TSNARE1: variants seen among roughly 807,000 people sequenced by gnomAD.
TSNARE1 encodes the protein t-SNARE domain-containing protein 1.
In TSNARE1, 49 loss-of-function variants were observed where a neutral mutation model predicts 62.0. The ratio of observed to expected loss-of-function variants is 0.79; its 90% CI spans 0.63 to 1.00. The LOEUF (loss-of-function observed/expected upper bound fraction) is 1.00. Among genes scored for constraint, TSNARE1 ranks in the 50% least tolerant of loss-of-function variants. The pLI is 0.00. For synonymous variants in TSNARE1, 328 were observed against 294.4 expected, an observed-to-expected ratio of 1.11 and a Z score of -1.17; for missense variants, 755 against 700.1, an observed-to-expected ratio of 1.08 and a Z score of -0.88.
intron 12 of TSNARE1, among the ~76,000 whole-genome samples, chr8:142,257,589 G>T (rs540567038): frequency 5.9e-5 from 9 of 152,302 alleles, no homozygotes; most frequent in African/African-American, 2.2e-4. Flanking sequence ...CGCTGCAGGG[G>T]TCCAGGCTGA....
rs796660893 is a variant in TSNARE1, at chr8:142,223,298, C to T, written c.*11+6175G>A. On this transcript the variant is annotated intron_variant, in intron 13 of 13. Coordinates refer to ENST00000524325, the MANE Select transcript of TSNARE1 (RefSeq NM_145003.5). ...CAGTCACTCACTCATACTCACTCAACCACTCACTCATTCACTCACTCATTC... is the reference window on the plus strand; with the variant it reads ...CAGTCACTCACTCATACTCACTCAATCACTCACTCATTCACTCACTCATTC... 6.0e-3 allele frequency among the ~76,000 whole-genome samples: 330 copies of T among 55,040 alleles called. 26 individuals carry two copies. The highest frequency in any genetic ancestry group is 0.043 in the East Asian group (61 of 1,424). 36.1% of individuals were successfully genotyped at this position (55,040 alleles called of 152,430 possible).
chr8:142,336,472 G>A (rs1340332172), intron 4 of TSNARE1, among the ~76,000 whole-genome samples: 1 of 151,936 alleles, frequency 6.6e-6, no homozygotes, highest in Non-Finnish European at 1.5e-5. Flanking sequence ...AAATATAATA[G>A]AAATAAAAGA....
intron 1 of TSNARE1, among the ~76,000 whole-genome samples, chr8:142,375,975 C>T (rs1185464577): frequency 6.6e-6 from 1 of 152,174 alleles, no homozygotes; most frequent in Non-Finnish European, 1.5e-5. Flanking sequence ...CCTCCAGGTC[C>T]ATGGGTACAA....
At chr8:142,218,081 A>ACTCAGTGTGT (rs1816010208) in intron 13 of TSNARE1, among the ~76,000 whole-genome samples, 10 of 76,794 alleles carry the variant, frequency 1.3e-4, no homozygotes, top group Non-Finnish European at 1.8e-4. Flanking sequence ...ATCAGGGTTC[A>ACTCAGTGTGT]GAGAGTGGCC....
chr8:142,299,453 C>A (rs571420774), intron 10 of TSNARE1, among the ~76,000 whole-genome samples: 2 of 152,346 alleles, frequency 1.3e-5, no homozygotes, highest in South Asian at 4.1e-4. Context: ...GCGCCTTCTG[C>A]AGATGAGGTG....
At chr8:142,250,583 C>T (rs73716175) in intron 12 of TSNARE1, among the ~76,000 whole-genome samples, 2,105 of 152,270 alleles carry the variant, frequency 0.014, 46 homozygotes, top group African/African-American at 0.047. Flanking sequence ...TCCTTCGGAG[C>T]GTTCTCATCT....
At chr8:142,396,350 G>T (rs144083945) in intron 1 of TSNARE1, among the ~76,000 whole-genome samples, 11 of 151,910 alleles carry the variant, frequency 7.2e-5, no homozygotes, top group Non-Finnish European at 1.6e-4. Context: ...ACACCACCCC[G>T]ACCTCCTAGC....
chr8:142,218,572 C>T (rs1157261019), intron 13 of TSNARE1, among the ~76,000 whole-genome samples: 1 of 152,240 alleles, frequency 6.6e-6, no homozygotes, highest in Admixed American at 6.5e-5. Context: ...CGATGAAGAG[C>T]CTCAGCTGCC....
intron 2 of TSNARE1, among the ~76,000 whole-genome samples, chr8:142,349,551 G>A (rs1833821386): frequency 6.6e-6 from 1 of 152,184 alleles, no homozygotes; most frequent in African/African-American, 2.4e-5. Context: ...CGCACGCACA[G>A]AAGGGGGAAG....
chr8:142,340,561 C>T (rs1406005336), intron 4 of TSNARE1, among the ~76,000 whole-genome samples: 1 of 152,190 alleles, frequency 6.6e-6, no homozygotes, highest in Non-Finnish European at 1.5e-5. Flanking sequence ...AGGTTGAAGA[C>T]TTTAAAAGGG....
At chr8:142,365,633 C>CACAG (rs60883386) in intron 1 of TSNARE1, among the ~76,000 whole-genome samples, 65 of 138,652 alleles carry the variant, frequency 4.7e-4, no homozygotes, top group African/African-American at 1.5e-3. Flanking sequence ...CACACACACA[C>CACAG]AGAGAGAGAG....
chr8:142,233,308 T>G (rs868766622), intron 12 of TSNARE1, among the ~76,000 whole-genome samples: 26 of 152,150 alleles, frequency 1.7e-4, no homozygotes, highest in African/African-American at 5.8e-4. Flanking sequence ...TGGGAGGGCC[T>G]AGGACCCAAG....
intron 1 of TSNARE1, among the ~76,000 whole-genome samples, chr8:142,368,177 G>C (rs1835684310): frequency 1.3e-5 from 2 of 150,634 alleles, no homozygotes; most frequent in Non-Finnish European, 3.0e-5. Context: ...CAACAGACAA[G>C]CAGGGAGAAA....
At chr8:142,372,688 C>T (rs531036689) in intron 1 of TSNARE1, among the ~76,000 whole-genome samples, 62 of 152,298 alleles carry the variant, frequency 4.1e-4, no homozygotes, top group African/African-American at 9.4e-4. Flanking sequence ...AGCTCACATA[C>T]GCAGAAGGAC....
At chr8:142,271,432 G>T in intron 12 of TSNARE1, 2 of 1,254,184 alleles carry the variant, frequency 1.6e-6, no homozygotes, top group Non-Finnish European at 2.0e-6. Context: ...GCTCAAATGC[G>T]GACGTTTCAG....
chr8:142,395,601 A>G (rs1409608577), intron 1 of TSNARE1, among the ~76,000 whole-genome samples: 1 of 152,244 alleles, frequency 6.6e-6, no homozygotes, highest in Non-Finnish European at 1.5e-5. Context: ...TCTACCCCTC[A>G]GCAAGATGCA....
intron 1 of TSNARE1, among the ~76,000 whole-genome samples, chr8:142,392,038 T>C (rs1837569849): frequency 6.6e-6 from 1 of 152,234 alleles, no homozygotes; most frequent in Non-Finnish European, 1.5e-5. Flanking sequence ...TTTTTCTTTT[T>C]TTGAGACGGA....
At chr8:142,240,682 T>C (rs1460291431) in intron 12 of TSNARE1, among the ~76,000 whole-genome samples, 5 of 152,124 alleles carry the variant, frequency 3.3e-5, no homozygotes, top group Non-Finnish European at 5.9e-5. Flanking sequence ...TAGAAGGTAA[T>C]TAAAAAAACA....
chr8:142,355,610 C>A (rs1834663025), intron 1 of TSNARE1, among the ~76,000 whole-genome samples: 1 of 152,194 alleles, frequency 6.6e-6, no homozygotes, highest in Non-Finnish European at 1.5e-5. Flanking sequence ...GAGCGTCCTC[C>A]CTGTGTGCAG....
Sources: gnomAD v4.1 joint callset for allele counts (sites outside exome capture counted in the v4.1 genomes callset) on GRCh38, gnomAD v4.1.1 for gene constraint, MANE v1.5 for transcripts, NCBI Gene and HGNC (gene_info 2026-07-23, HGNC 2026-07-21) for gene names.